Variants in TEX35 observed in about 807,000 individuals in gnomAD.
TEX35 encodes testis-expressed protein 35.
TEX35 carries 26 observed loss-of-function variants against 31.9 expected under a neutral mutation model. The observed-to-expected ratio is 0.81, with a 90% CI of 0.60 to 1.13. The LOEUF (loss-of-function observed/expected upper bound fraction) is 1.13, where lower values mean the gene tolerates loss of function less well. TEX35 is among the 50% of genes most tolerant of loss of function. The pLI is 0.00. For missense variants in TEX35, 278 were observed against 273.5 expected, an observed-to-expected ratio of 1.02 and a Z score of -0.12; for synonymous variants, 87 against 90.7, an observed-to-expected ratio of 0.96 and a Z score of 0.23.
intron 2 of TEX35, 90 bp from the exon 3 acceptor site, chr1:178,514,610 A>G (rs1439236398): frequency 3.0e-6 from 4 of 1,315,004 alleles, no homozygotes; most frequent in Non-Finnish European, 4.3e-6. Context: ...CTAAGGGAGG[A>G]ACAGAAACAC....
intron 1 of TEX35, among the ~76,000 whole-genome samples, chr1:178,513,586 G>A (rs903682353): frequency 2.0e-5 from 3 of 152,230 alleles, no homozygotes; most frequent in Admixed American, 6.5e-5. Flanking sequence ...TAATCATCAC[G>A]TCGATTTTAT....
At chr1:178,520,475 G>GGGTCTCCTCCCTTCCCTTTGTT (rs767773730) in intron 6 of TEX35, 39 bp downstream of exon 6, 1 of 1,614,086 alleles carries the variant, frequency 6.2e-7, no homozygotes, top group African/African-American at 1.3e-5. Context: ...CATCCCTAAA[G>GGGTCTCCTCCCTTCCCTTTGTT]GGTCTCCTCC....
intron 3 of TEX35, 89 bp from the exon 4 acceptor site, chr1:178,515,770 C>T: frequency 3.9e-6 from 4 of 1,034,930 alleles, no homozygotes; most frequent in Non-Finnish European, 5.9e-6. Context: ...CTGACAGTGT[C>T]CCAGGATCTT....
intron 8 of TEX35, 51 bp downstream of exon 8, chr1:178,521,315 T>A: frequency 6.3e-7 from 1 of 1,596,200 alleles, no homozygotes; most frequent in Non-Finnish European, 8.6e-7. Context: ...TGCCTTGTTG[T>A]CCCCAAGGCC....
At chr1:178,522,114 C>T (rs1211190226) in intron 8 of TEX35, 3 of 721,338 alleles carry the variant, frequency 4.2e-6, no homozygotes, top group African/African-American at 3.6e-5. Context: ...ACATAATCAG[C>T]CTCCACCTGT....
At chr1:178,522,274 C>T in intron 8 of TEX35, 51 bp from the exon 9 acceptor site, 1 of 1,523,704 alleles carries the variant, frequency 6.6e-7, no homozygotes, top group Non-Finnish European at 8.8e-7. Context: ...TCTGGGGATC[C>T]ACCCTTCTCA....
chr1:178,514,137 C>T (rs1461904816), intron 2 of TEX35, 60 bp downstream of exon 2: 2 of 1,613,330 alleles, frequency 1.2e-6, no homozygotes, highest in East Asian at 4.5e-5. Context: ...GGGAAGTGAC[C>T]AGGAGTCAGG....
intron 5 of TEX35, among the ~76,000 whole-genome samples, chr1:178,517,405 G>T (rs1158126695): frequency 6.6e-6 from 1 of 152,170 alleles, no homozygotes; most frequent in East Asian, 1.9e-4. Context: ...TCTCCAGGGT[G>T]GGCCGGAGTT....
intron 5 of TEX35, 127 bp downstream of exon 5, chr1:178,516,801 C>T: frequency 1.7e-6 from 1 of 579,016 alleles, no homozygotes; most frequent in Non-Finnish European, 3.0e-6. Context: ...TGCAAGAAAG[C>T]ATTGCAAGCC....
chr1:178,517,295 C>T (rs958246308), intron 5 of TEX35, among the ~76,000 whole-genome samples: 22 of 152,178 alleles, frequency 1.4e-4, no homozygotes, highest in African/African-American at 4.3e-4. Flanking sequence ...GGATAGATAA[C>T]GCCTCAACAG....
At chr1:178,514,148 G>C in intron 2 of TEX35, 71 bp downstream of exon 2, 2 of 1,612,504 alleles carry the variant, frequency 1.2e-6, no homozygotes, top group Non-Finnish European at 1.7e-6. Context: ...AGGAGTCAGG[G>C]GTCATTTGCT....
chr1:178,520,529 C>A, intron 6 of TEX35, 93 bp downstream of exon 6: 4 of 1,609,332 alleles, frequency 2.5e-6, no homozygotes, highest in Non-Finnish European at 3.4e-6. Flanking sequence ...GACACCCAGA[C>A]TCTTGGAGGA....
In TEX35 at chr1:178,520,824, AAAACAAAAC is replaced by A. The variant is rs768562784; in HGVS notation, c.495_503del (p.Thr166_Gln168del). Reference sequence around the variant, plus strand: ...TCACAAGAAGACGATGGCACCACAAAAAACAAAACAGGGCTCACTGGATCCCCTTCATCA... The same window carrying A: ...TCACAAGAAGACGATGGCACCACAAAAGGGCTCACTGGATCCCCTTCATCA... On this transcript the variant is annotated inframe_deletion, in exon 7 of 9. Coordinates refer to ENST00000319416, the MANE Select transcript of TEX35 (RefSeq NM_032126.5). The A allele has an allele frequency of 6.2e-7, 1 of 1,614,178 alleles. No homozygotes were observed. The highest frequency in any genetic ancestry group is 1.7e-5 in the Admixed American group (1 of 60,022).
chr1:178,522,296 G>C, intron 8 of TEX35, 29 bp from the exon 9 acceptor site: 1 of 1,548,108 alleles, frequency 6.5e-7, no homozygotes, highest in Non-Finnish European at 8.7e-7. Flanking sequence ...CCCCTTGAAG[G>C]TTTCCTCTCC....
chr1:178,515,296 C>G (rs913381926), intron 3 of TEX35, among the ~76,000 whole-genome samples: 2 of 152,106 alleles, frequency 1.3e-5, no homozygotes, highest in Non-Finnish European at 2.9e-5. Flanking sequence ...TTAGTAGACA[C>G]AGGGTTTCAC....
chr1:178,513,169 A>G lies in TEX35; in HGVS notation c.-20A>G, dbSNP rs1265175700. On this transcript the variant is annotated 5_prime_UTR_variant, in exon 1 of 9. Transcript: ENST00000319416. ...AGGGGCTGTTGTGGGGAGTTGAAGA[A>G]CACCCTGGCCTCCTCCATCATGTCG... is the stretch of plus-strand genomic sequence containing the variant. The G allele has an allele frequency of 3.7e-6, 6 of 1,613,820 alleles. No homozygotes were observed. Among genetic ancestry groups the G allele is most frequent in the Non-Finnish European group, 5.1e-6 (6 of 1,179,986 alleles).
intron 8 of TEX35, chr1:178,521,475 C>CCT (rs1191852942): frequency 2.0e-6 from 2 of 1,022,504 alleles, no homozygotes; most frequent in Non-Finnish European, 3.0e-6. Flanking sequence ...GAGGCTGCTG[C>CCT]CTGGGGCTCC....
At chr1:178,514,892 T>A (rs984058845) in intron 3 of TEX35, 124 bp downstream of exon 3, 3 of 787,154 alleles carry the variant, frequency 3.8e-6, no homozygotes, top group Non-Finnish European at 6.2e-6. Context: ...AGTGCAATTA[T>A]CAAAATCCAG....
rs34025088 is a variant in TEX35, at chr1:178,514,734, G to A, written c.125G>A (p.Arg42Gln). 50 of 1,613,840 alleles carry A rather than the reference G, an allele frequency of 3.1e-5. No homozygotes were observed. The African/African-American group carries it at 3.2e-4, about 10-fold the overall frequency. ...TACAAAGCAGTTAAACAAGAAGGGC[G>A]GTTTACCAAAGCAGGAGTGACACAG... ...FDYKAVKQEG[R>Q]FTKAGVTQDL... The change falls in exon 3 of 9, where the codon CGG becomes CAG. Residue 42 changes from arginine (R) to glutamine (Q), a missense_variant. Arg to Gln is a conservative substitution (Grantham distance 43, BLOSUM62 1). Transcript: ENST00000319416.
Sources: allele counts gnomAD v4.1 joint callset (sites outside exome capture counted in the v4.1 genomes callset), GRCh38; gene constraint gnomAD v4.1.1; transcripts MANE v1.5; gene names NCBI Gene and HGNC (gene_info 2026-07-23, HGNC 2026-07-21).